PPIL3: variants seen among roughly 807,000 people sequenced by gnomAD.
The protein encoded by PPIL3 is peptidyl-prolyl cis-trans isomerase-like 3.
In PPIL3, 13 loss-of-function variants were observed where a neutral mutation model predicts 20.9. That is an observed-to-expected ratio of 0.62 (90% CI 0.40 to 0.99). PPIL3 has a LOEUF of 0.99. Ranked by LOEUF, PPIL3 falls within the 50% of genes least tolerant of loss-of-function variation. The pLI, the probability that PPIL3 is intolerant of heterozygous loss-of-function variation, is 0.00. For missense variants in PPIL3, 170 were observed against 195.2 expected, an observed-to-expected ratio of 0.87 and a Z score of 0.77; for synonymous variants, 71 against 64.4, an observed-to-expected ratio of 1.10 and a Z score of -0.49.
At chr2:200,878,886 ATAC>A (rs1489396084) in intron 5 of PPIL3, among the ~76,000 whole-genome samples, 1 of 152,222 alleles carries the variant, frequency 6.6e-6, no homozygotes, top group Non-Finnish European at 1.5e-5. Context: ...ACTACTGAAT[ATAC>A]TACAATTTAT....
At chr2:200,874,807 C>T (rs761285531) in intron 6 of PPIL3, among the ~76,000 whole-genome samples, 14 of 152,142 alleles carry the variant, frequency 9.2e-5, no homozygotes, top group Admixed American at 3.3e-4. Flanking sequence ...GATCTCACTG[C>T]AGCCTTGACA....
At chr2:200,878,466 T>C (rs981005392) in intron 5 of PPIL3, among the ~76,000 whole-genome samples, 28 of 151,820 alleles carry the variant, frequency 1.8e-4, no homozygotes, top group Middle Eastern at 3.4e-3. Context: ...CATAGCTCAC[T>C]GTAGCCTTGA....
At chr2:200,885,309 T>C in intron 3 of PPIL3, 1 of 356,308 alleles carries the variant, frequency 2.8e-6, no homozygotes, top group Non-Finnish European at 5.0e-6. Flanking sequence ...AGGCGGAGGT[T>C]GCAGTGAGCC....
At chr2:200,885,643 A>G in intron 3 of PPIL3, 55 bp downstream of exon 3, 6 of 1,125,512 alleles carry the variant, frequency 5.3e-6, no homozygotes, top group Non-Finnish European at 7.9e-6. Flanking sequence ...TTCAATTCCA[A>G]AGTGCTTATC....
chr2:200,886,427 T>TC (rs2039939659), intron 2 of PPIL3, among the ~76,000 whole-genome samples: 1 of 151,362 alleles, frequency 6.6e-6, no homozygotes, highest in African/African-American at 2.4e-5. Flanking sequence ...TTTTCATTTC[T>TC]CCTTTTTTTT....
intron 6 of PPIL3, 136 bp downstream of exon 6, chr2:200,876,783 A>G (rs1038335380): frequency 8.5e-6 from 6 of 702,668 alleles, no homozygotes; most frequent in Non-Finnish European, 1.5e-5. Context: ...TTGGCCTCCC[A>G]AAGTGCTGGG....
intron 5 of PPIL3, among the ~76,000 whole-genome samples, chr2:200,879,857 G>A (rs2039657920): frequency 6.6e-6 from 1 of 152,094 alleles, no homozygotes; most frequent in Non-Finnish European, 1.5e-5. Flanking sequence ...TTCCACAGGT[G>A]ATTCTGTCAT....
At chr2:200,878,285 A>C (rs2039594812) in intron 5 of PPIL3, among the ~76,000 whole-genome samples, 1 of 152,174 alleles carries the variant, frequency 6.6e-6, no homozygotes, top group Admixed American at 6.6e-5. Flanking sequence ...AGAAAAAATA[A>C]AAGTTACCAA....
At chr2:200,885,835 A>AC (rs2039917608) in intron 2 of PPIL3, 63 bp from the exon 3 acceptor site, 2 of 997,370 alleles carry the variant, frequency 2.0e-6, no homozygotes, top group Non-Finnish European at 3.1e-6. Context: ...TGCATTGTTT[A>AC]TTTCCCTGTG....
intron 6 of PPIL3, among the ~76,000 whole-genome samples, chr2:200,875,503 T>C (rs1405797917): frequency 2.0e-5 from 3 of 152,010 alleles, no homozygotes; most frequent in Non-Finnish European, 2.9e-5. Context: ...CCTGACCTCA[T>C]GATCTGCCCT....
rs771839390 is a variant in PPIL3, at chr2:200,882,416, G to C, written c.98C>G (p.Ala33Gly). The change falls in exon 4 of 7, where the codon GCC (alanine) becomes GGC (glycine). Residue 33 changes from alanine (A) to glycine (G), a missense_variant. Coordinates refer to ENST00000392283, the MANE Select transcript of PPIL3 (RefSeq NM_130906.3). ...TATACAGCCATTGTAGTAATTACTGGCACAAAGAGCCAAGAAATTCTGAAG... is the reference window on the plus strand; with the variant it reads ...TATACAGCCATTGTAGTAATTACTGCCACAAAGAGCCAAGAAATTCTGAAG... ...KTCENFLALC[A>G]SNYYNGCIFH... 24 of 1,602,008 alleles carry C rather than the reference G, an allele frequency of 1.5e-5. No homozygotes were observed. The highest frequency in any genetic ancestry group is 2.1e-5 in the Non-Finnish European group (24 of 1,169,264).
intron 2 of PPIL3, 22 bp downstream of exon 2, chr2:200,887,591 A>G: frequency 6.3e-7 from 1 of 1,578,536 alleles, no homozygotes; most frequent in Non-Finnish European, 8.7e-7. Flanking sequence ...AAGACATTAG[A>G]TAAAAATTGC....
At chr2:200,883,662 A>C (rs1188640042) in intron 3 of PPIL3, among the ~76,000 whole-genome samples, 1 of 152,124 alleles carries the variant, frequency 6.6e-6, no homozygotes, top group African/African-American at 2.4e-5. Context: ...TGCCCTGCTT[A>C]TTTTTACAAC....
chr2:200,884,653 T>C (rs183522251), intron 3 of PPIL3, among the ~76,000 whole-genome samples: 1 of 151,932 alleles, frequency 6.6e-6, no homozygotes, highest in East Asian at 1.9e-4. Context: ...GGTGGGAGGA[T>C]TGCTTGAGCC....
intron 5 of PPIL3, among the ~76,000 whole-genome samples, chr2:200,877,995 C>T (rs75758346): frequency 3.3e-5 from 5 of 152,214 alleles, no homozygotes; most frequent in African/African-American, 9.6e-5. Context: ...TAATACACTA[C>T]AACTCCACCA....
At chr2:200,883,094 T>A (rs1256382957) in intron 3 of PPIL3, among the ~76,000 whole-genome samples, 1 of 150,556 alleles carries the variant, frequency 6.6e-6, no homozygotes, top group Non-Finnish European at 1.5e-5. Context: ...TACCTGAGAT[T>A]TCTATATCTG....
At chr2:200,874,839 C>A (rs1455066457) in intron 6 of PPIL3, among the ~76,000 whole-genome samples, 2 of 152,228 alleles carry the variant, frequency 1.3e-5, no homozygotes, top group Non-Finnish European at 1.5e-5. Context: ...GCAATCCTCT[C>A]ACTTCAGCCT....
At chr2:200,877,090 T>TTGA (rs2039550755) in intron 5 of PPIL3, 53 bp from the exon 6 acceptor site, 1 of 1,182,338 alleles carries the variant, frequency 8.5e-7, no homozygotes, top group Admixed American at 1.7e-5. Context: ...CCATCCCAAA[T>TTGA]ATAGTATTGA....
intron 1 of PPIL3, among the ~76,000 whole-genome samples, chr2:200,888,054 C>CAAAAAAA (rs59288201): frequency 1.9e-5 from 2 of 103,078 alleles, no homozygotes; most frequent in East Asian, 3.4e-4. Flanking sequence ...GAGACTCCGT[C>CAAAAAAA]AAAAAAAAAA....
Sources: allele counts gnomAD v4.1 joint callset (sites outside exome capture counted in the v4.1 genomes callset), GRCh38; gene constraint gnomAD v4.1.1; transcripts MANE v1.5; gene names NCBI Gene and HGNC (gene_info 2026-07-23, HGNC 2026-07-21).